TTC7A: variants seen among roughly 807,000 people sequenced by gnomAD.
TTC7A encodes tetratricopeptide repeat domain 7A.
A neutral mutation model predicts 103.7 loss-of-function variants in TTC7A; 110 were observed. The observed-to-expected ratio is 1.06, with a 90% confidence interval of 0.91 to 1.24. The LOEUF (loss-of-function observed/expected upper bound fraction) is 1.24, where lower values mean the gene tolerates loss of function less well. TTC7A is among the 50% of genes most tolerant of loss of function. TTC7A has a pLI of 0.00. For missense variants in TTC7A, 1,340 were observed against 1,116.3 expected (o/e 1.20, Z -2.86); for synonymous variants, 521 against 467.9 (o/e 1.11, Z -1.47).
At chr2:46,975,876 A>G (rs1050066730) in intron 4 of TTC7A, among the ~76,000 whole-genome samples, 22 of 152,160 alleles carry the variant, frequency 1.4e-4, no homozygotes, top group Middle Eastern at 3.4e-3. Flanking sequence ...AGCTGGGACT[A>G]CAGGCGCCTG....
chr2:46,977,175 A>G (rs1179292361), intron 4 of TTC7A, among the ~76,000 whole-genome samples: 1 of 152,206 alleles, frequency 6.6e-6, no homozygotes, highest in Non-Finnish European at 1.5e-5. Context: ...AGGTCTGATG[A>G]TGATGTCCAG....
chr2:46,985,034 G>A (rs1674868799), intron 5 of TTC7A, among the ~76,000 whole-genome samples: 1 of 152,156 alleles, frequency 6.6e-6, no homozygotes, highest in Non-Finnish European at 1.5e-5. Flanking sequence ...CCTAGAGCCT[G>A]CTTCCCCCTG....
At chr2:47,054,546 G>A (rs1683154205) in intron 18 of TTC7A, among the ~76,000 whole-genome samples, 1 of 151,980 alleles carries the variant, frequency 6.6e-6, no homozygotes, top group Admixed American at 6.6e-5. Flanking sequence ...AAAGTCAGGG[G>A]ATCAGGCCGG....
Position 46,941,586 on chromosome 2 carries a change from C to CGA in TTC7A, c.47_48dup (p.Leu17SerfsTer24), listed in dbSNP as rs780246958. On this transcript the variant is annotated frameshift_variant, in exon 1 of 20. Transcript: ENST00000319190. LOFTEE classifies it high-confidence loss of function. This position sits in a 1 kb window ranked among gnomAD's most constrained non-coding sequence, Gnocchi z 4.2. ...ACGGCTCCTACCTGAAGGTGGAGAG[C>CGA]GAGCTGGAGCGCTGCCGCGCCGAGG... is the stretch of plus-strand genomic sequence containing the variant. 1 of 1,556,988 alleles carries CGA rather than the reference C, an allele frequency of 6.4e-7. No homozygotes were observed. Among genetic ancestry groups the CGA allele is most frequent in the African/African-American group, 1.4e-5 (1 of 73,386 alleles).
intron 6 of TTC7A, 87 bp downstream of exon 6, chr2:46,993,615 C>T: frequency 7.9e-7 from 1 of 1,270,540 alleles, no homozygotes; most frequent in South Asian, 1.2e-5. Flanking sequence ...GCCTGTGAAG[C>T]AGGGGTGGCA....
intron 19 of TTC7A, among the ~76,000 whole-genome samples, chr2:47,067,323 C>T (rs1474617342): frequency 2.0e-5 from 3 of 152,232 alleles, no homozygotes; most frequent in Non-Finnish European, 4.4e-5. Context: ...CAACGTTGGG[C>T]ATTTTTATCA....
At chr2:47,044,016 GCCCAGGGAGCTGTC>G (rs573437858) in intron 15 of TTC7A, among the ~76,000 whole-genome samples, 5,956 of 152,238 alleles carry the variant, frequency 0.039, 157 homozygotes, top group Non-Finnish European at 0.06. Context: ...GGGCTGGCCT[GCCCAGGGAGCTGTC>G]CCCAGGGAGC....
At chr2:47,015,684 T>C (rs1398224785) in intron 11 of TTC7A, among the ~76,000 whole-genome samples, 1 of 152,214 alleles carries the variant, frequency 6.6e-6, no homozygotes, top group East Asian at 1.9e-4. Context: ...CCTGCATGGT[T>C]GCTATCACCG....
chr2:47,027,371 C>T (rs1163647625), intron 14 of TTC7A, among the ~76,000 whole-genome samples: 1 of 152,228 alleles, frequency 6.6e-6, no homozygotes, highest in African/African-American at 2.4e-5. Context: ...GGCTTAGCAG[C>T]CTGCATAGCT....
intron 3 of TTC7A, among the ~76,000 whole-genome samples, chr2:46,966,032 C>T (rs1672807762): frequency 6.6e-6 from 1 of 152,174 alleles, no homozygotes; most frequent in Non-Finnish European, 1.5e-5. Context: ...TCACCGCAAC[C>T]TCCACCTCCC....
intron 2 of TTC7A, among the ~76,000 whole-genome samples, chr2:46,955,989 A>C (rs1671822871): frequency 1.3e-5 from 2 of 152,168 alleles, no homozygotes; most frequent in African/African-American, 4.8e-5. Context: ...GGTTACAAGG[A>C]GAACTGGGGC....
intron 17 of TTC7A, chr2:47,050,512 A>G (rs192425608): frequency 6.3e-6 from 1 of 158,096 alleles, no homozygotes; most frequent in East Asian, 1.8e-4. Flanking sequence ...TGCAGACTTA[A>G]CATTTTTTAA....
intron 2 of TTC7A, among the ~76,000 whole-genome samples, chr2:46,933,045 T>C (rs11676972): frequency 0.32 from 48,270 of 150,880 alleles, 8,967 homozygotes; most frequent in East Asian, 0.67. Context: ...GAAAAGGCTC[T>C]GAGCCCTTGT....
intron 5 of TTC7A, among the ~76,000 whole-genome samples, chr2:46,981,965 C>G (rs1420830016): frequency 6.6e-6 from 1 of 152,220 alleles, no homozygotes; most frequent in East Asian, 1.9e-4. Context: ...CAGTCCTGCC[C>G]CAGCAGGACC....
At chr2:46,916,156 C>G (rs1380945055), upstream of TTC7A, 19 of 985,512 alleles carry the variant, frequency 1.9e-5, no homozygotes, top group African/African-American at 1.6e-4. Context: ...CCGCTCACCC[C>G]CTCCTATACA....
intron 3 of TTC7A, 56 bp downstream of exon 3, chr2:46,957,063 T>C: frequency 6.2e-7 from 1 of 1,601,718 alleles, no homozygotes; most frequent in South Asian, 1.1e-5. Flanking sequence ...CGTTGCACTC[T>C]GACTCCCAGG....
intron 16 of TTC7A, 113 bp downstream of exon 16, chr2:47,046,544 A>C: frequency 1.3e-6 from 1 of 794,546 alleles, no homozygotes; most frequent in Non-Finnish European, 2.1e-6. Context: ...AGGCTTTTGA[A>C]TGAGAGCGTG....
At chr2:46,954,566 C>CTTT (rs35548270) in intron 2 of TTC7A, among the ~76,000 whole-genome samples, 12,197 of 121,078 alleles carry the variant, frequency 0.1, 1,286 homozygotes, top group African/African-American at 0.26. Flanking sequence ...AACTAAGAGC[C>CTTT]TTTTTTTTTT....
chr2:46,998,205 C>G (rs545208092), intron 8 of TTC7A, among the ~76,000 whole-genome samples: 28 of 152,264 alleles, frequency 1.8e-4, no homozygotes, highest in East Asian at 1.4e-3. Context: ...TCCCCTTACG[C>G]ACACCCAGCC....
Sources: allele counts gnomAD v4.1 joint callset (sites outside exome capture counted in the v4.1 genomes callset), GRCh38; gene constraint gnomAD v4.1.1; non-coding constraint Gnocchi (gnomAD v3.1); transcripts MANE v1.5; gene names NCBI Gene and HGNC (gene_info 2026-07-23, HGNC 2026-07-21).